Variants in CELSR1 observed in about 807,000 individuals in gnomAD.
The protein encoded by CELSR1 is cadherin EGF LAG seven-pass G-type receptor 1.
Under a neutral mutation model 249.1 loss-of-function variants are expected in CELSR1, and 110 were observed. The ratio of observed to expected loss-of-function variants is 0.44; its 90% CI spans 0.38 to 0.52. The LOEUF (loss-of-function observed/expected upper bound fraction) is 0.52, where lower values mean the gene tolerates loss of function less well. Ranked by LOEUF, CELSR1 falls within the 20% of genes least tolerant of loss-of-function variation. The pLI is 0.00. For missense variants in CELSR1, 4,109 were observed against 4,296.4 expected (o/e 0.96, Z 1.22); for synonymous variants, 2,113 against 1,900.0 (o/e 1.11, Z -2.92).
rs1238421472 is a variant in CELSR1, at chr22:46,464,027, C to T, written c.3863G>A (p.Arg1288Gln). ...CGTGGAGATGGTGGTCAGCAGCGTC[C>T]GATTCAGGTAGATCTGCTCCTGCAG... ...EDLQEQIYLN[R>Q]TLLTTISTQR... Residue 1288 changes from arginine to glutamine, a missense_variant, in exon 2 of 35, where the codon CGG (arginine) becomes CAG (glutamine). Around this residue, in one of 7 missense-constraint regions of CELSR1, gnomAD observed 141 missense variants for 209.4 expected, o/e 0.67. Coordinates refer to ENST00000674500, the MANE Select transcript of CELSR1 (RefSeq NM_001378328.1). This position sits in a 1 kb window ranked among gnomAD's most constrained non-coding sequence, Gnocchi z 8.5. 1.9e-6 allele frequency: 3 copies of T among 1,613,692 alleles called. No homozygotes were observed. The highest frequency in any genetic ancestry group is 2.2e-5 in the East Asian group (1 of 44,882).
At chr22:46,461,436 C>T (rs985022472) in intron 2 of CELSR1, among the ~76,000 whole-genome samples, 11 of 152,196 alleles carry the variant, frequency 7.2e-5, no homozygotes, top group Non-Finnish European at 1.5e-4. Context: ...ATCTGCTGGC[C>T]CAGGGGTCCC....
At chr22:46,431,228 G>A (rs778836196) in intron 5 of CELSR1, among the ~76,000 whole-genome samples, 9 of 152,238 alleles carry the variant, frequency 5.9e-5, no homozygotes, top group Non-Finnish European at 1.3e-4. Flanking sequence ...TCCCGGAAAG[G>A]GGCGGCCACA....
At chr22:46,503,816 A>T (rs1285074937) in intron 1 of CELSR1, among the ~76,000 whole-genome samples, 1 of 152,032 alleles carries the variant, frequency 6.6e-6, no homozygotes, top group Non-Finnish European at 1.5e-5. Flanking sequence ...AAACTGCTTA[A>T]GGCCAGGAGT....
intron 14 of CELSR1, among the ~76,000 whole-genome samples, chr22:46,392,724 T>C (rs2079106916): frequency 6.6e-6 from 1 of 152,052 alleles, no homozygotes; most frequent in Non-Finnish European, 1.5e-5. Context: ...GCTCAGCTAA[T>C]GTTTTTATTT....
chr22:46,391,847 T>G lies in CELSR1; in HGVS notation c.5965-31A>C, dbSNP rs755348967. ...AAAGCCAGAGGCAGGGCCTGTGACT[T>G]CAGATGCCCGGGAGAGGCCCTACCT... On this transcript the variant is annotated intron_variant, in intron 14 of 34. Coordinates refer to ENST00000674500, the MANE Select transcript of CELSR1 (RefSeq NM_001378328.1). This position sits in a 1 kb window ranked among gnomAD's most constrained non-coding sequence, Gnocchi z 4.3. The G allele has an allele frequency of 1.3e-6, 2 of 1,594,332 alleles. No individual in the cohort carries two copies. The highest frequency in any genetic ancestry group is 2.3e-5 in the South Asian group (2 of 88,158).
In CELSR1 at chr22:46,408,417, C is replaced by T. The variant is rs1348198885; in HGVS notation, c.5226+579G>A. On this transcript the variant is annotated intron_variant, in intron 9 of 34. Transcript: ENST00000674500. This position sits in a 1 kb window ranked among gnomAD's most constrained non-coding sequence, Gnocchi z 4.6. ...CACGTTCTCGGGTCACTGCAACCTCCGCCTTCCAGATTCAAGTGATTCCCC... is the reference window on the plus strand; with the variant it reads ...CACGTTCTCGGGTCACTGCAACCTCTGCCTTCCAGATTCAAGTGATTCCCC... Among the ~76,000 whole-genome samples the T allele has an allele frequency of 2.6e-5, 4 of 152,266 alleles. No homozygotes were observed. The highest frequency in any genetic ancestry group is 1.9e-4 in the East Asian group (1 of 5,186).
In CELSR1 at chr22:46,364,732, G is replaced by A. The variant is rs370828853; in HGVS notation, c.8559C>T (p.Asp2853=). The A allele has an allele frequency of 1.8e-5, 29 of 1,611,350 alleles. No homozygotes were observed. Among genetic ancestry groups the A allele is most frequent in the Admixed American group, 5.0e-5 (3 of 59,938 alleles). The change falls in exon 33 of 35, where the codon GAC becomes GAT. Residue 2853 remains aspartate (D), a synonymous_variant. Coordinates refer to ENST00000674500, the MANE Select transcript of CELSR1 (RefSeq NM_001378328.1). The part of the protein sequence containing the change: ...RGAVHSTPKG[D]AVANHVPAGW... ...CGGCCGGAACGTGGTTGGCCACAGCGTCCCCTGAGGCACGAGAGCGGTGCT... is the reference window on the plus strand; with the variant it reads ...CGGCCGGAACGTGGTTGGCCACAGCATCCCCTGAGGCACGAGAGCGGTGCT...
intron 1 of CELSR1, among the ~76,000 whole-genome samples, chr22:46,519,014 C>T (rs1005956611): frequency 6.6e-6 from 1 of 151,450 alleles, no homozygotes; most frequent in Non-Finnish European, 1.5e-5. Context: ...GCCTGGGTAA[C>T]GGAGCGAGAC....
rs1001982041 is a variant in CELSR1, at chr22:46,423,700, C to T, written c.4611+9693G>A. On this transcript the variant is annotated intron_variant, in intron 5 of 34. Coordinates refer to ENST00000674500, the MANE Select transcript of CELSR1 (RefSeq NM_001378328.1). The surrounding 1 kb of genome is among the most constrained non-coding windows in gnomAD (Gnocchi z 5.6). ...ACTATTAACAAGTATGGGCCGGGTG[C>T]GGTGGCTCACGCCTATAATCCAGCA... Among the ~76,000 whole-genome samples the T allele has an allele frequency of 6.6e-6, 1 of 151,228 alleles. No homozygotes were observed. The highest frequency in any genetic ancestry group is 1.5e-5 in the Non-Finnish European group (1 of 67,936).
Position 46,428,999 on chromosome 22 carries a change from C to T in CELSR1, c.4611+4394G>A, listed in dbSNP as rs1043862064. Reference sequence around the variant, plus strand: ...GGCCCCGTTAAACATCTTGCTGGCACGTCTGTGTCCCCGACCCTGCCAGGA... The same window carrying T: ...GGCCCCGTTAAACATCTTGCTGGCATGTCTGTGTCCCCGACCCTGCCAGGA... On this transcript the variant is annotated intron_variant, in intron 5 of 34. Coordinates refer to ENST00000674500, the MANE Select transcript of CELSR1 (RefSeq NM_001378328.1). The surrounding 1 kb of genome is among the most constrained non-coding windows in gnomAD (Gnocchi z 5.7). Among the ~76,000 whole-genome samples the T allele has an allele frequency of 3.9e-5, 6 of 152,150 alleles. No homozygotes were observed. Among genetic ancestry groups the T allele is most frequent in the African/African-American group, 9.7e-5 (4 of 41,422 alleles).
rs2079072648 is a variant in CELSR1, at chr22:46,390,064, A to T, written c.6345+328T>A. 6.6e-6 allele frequency among the ~76,000 whole-genome samples: 1 copy of T among 152,234 alleles called. No homozygotes were observed. Among genetic ancestry groups the T allele is most frequent in the South Asian group, 2.1e-4 (1 of 4,834 alleles). ...GGCTCAGAGAAAGATAGCGAGTGGG[A>T]GACGTGGGAACAAAAGCCATGAAAT... On this transcript the variant is annotated intron_variant, in intron 17 of 34. Transcript: ENST00000674500. This position sits in a 1 kb window ranked among gnomAD's most constrained non-coding sequence, Gnocchi z 6.3.
At chr22:46,365,470 T>C (rs1422859366) in intron 31 of CELSR1, 90 bp from the exon 32 acceptor site, 102 of 1,566,600 alleles carry the variant, frequency 6.5e-5, no homozygotes, top group Non-Finnish European at 8.6e-5. Flanking sequence ...GCCCCTGGCA[T>C]GCTGACGCTG....
intron 1 of CELSR1, among the ~76,000 whole-genome samples, chr22:46,520,520 G>T (rs1188871983): frequency 5.3e-5 from 8 of 152,006 alleles, no homozygotes; most frequent in Non-Finnish European, 1.5e-5. Context: ...GTGTAAAATG[G>T]CCTGATCTCA....
At chr22:46,376,348 G>C (rs997725312) in intron 24 of CELSR1, among the ~76,000 whole-genome samples, 4 of 152,164 alleles carry the variant, frequency 2.6e-5, no homozygotes, top group Non-Finnish European at 2.9e-5. Context: ...CTAACGGTGA[G>C]AGGACTATTT....
intron 1 of CELSR1, among the ~76,000 whole-genome samples, chr22:46,513,868 T>C (rs1434101577): frequency 6.6e-6 from 1 of 152,112 alleles, no homozygotes; most frequent in Non-Finnish European, 1.5e-5. Flanking sequence ...CTCAGCTCAC[T>C]GCAGCCTCTG....
Position 46,526,952 on chromosome 22 carries a change from G to A in CELSR1, c.3544+6675C>T, listed in dbSNP as rs887603095. Among the ~76,000 whole-genome samples, 2 of 152,176 alleles carry A rather than the reference G, an allele frequency of 1.3e-5. No homozygotes were observed. The highest frequency in any genetic ancestry group is 2.9e-5 in the Non-Finnish European group (2 of 68,032). The stretch of plus-strand genomic sequence containing the variant: ...CGGTAAGGACTCTGGCTCAGGGAAC[G>A]AACCTCTCTCAGTTTCACTCTCATC... On this transcript the variant is annotated intron_variant, in intron 1 of 34. Coordinates refer to ENST00000674500, the MANE Select transcript of CELSR1 (RefSeq NM_001378328.1). The surrounding 1 kb of genome is among the most constrained non-coding windows in gnomAD (Gnocchi z 4.7).
chr22:46,365,109 C>T lies in CELSR1; in HGVS notation c.8554+122G>A. 2.2e-6 allele frequency: 3 copies of T among 1,358,008 alleles called. No homozygotes were observed. The African/African-American group carries it at 4.4e-5, about 20-fold the overall frequency. The allele number at this position is 1,358,008 out of a possible 1,614,324, so 84.1% of individuals were successfully genotyped here. ...CAGAGTCCCCCCACCCCAGGCTGTC[C>T]TTTCATGTGGCTGCAGTGCTGCTGG... is the stretch of plus-strand genomic sequence containing the variant. On this transcript the variant is annotated intron_variant, in intron 32 of 34. Transcript: ENST00000674500.
rs2078701484 is a variant in CELSR1, at chr22:46,361,287, T to C, written c.*1936A>G. On this transcript the variant is annotated 3_prime_UTR_variant, in exon 35 of 35. Coordinates refer to ENST00000674500, the MANE Select transcript of CELSR1 (RefSeq NM_001378328.1). ...AACCTCCAGTGTCTAATCTCTCCCATAAAGTCTTAAGTAATAAAAATAGGT... is the reference window on the plus strand; with the variant it reads ...AACCTCCAGTGTCTAATCTCTCCCACAAAGTCTTAAGTAATAAAAATAGGT... 6.6e-6 allele frequency: 1 copy of C among 152,600 alleles called. No homozygotes were observed. The highest frequency in any genetic ancestry group is 1.5e-5 in the Non-Finnish European group (1 of 68,042). The allele number at this position is 152,600 out of a possible 1,614,324, so 9.5% of individuals were successfully genotyped here. A position where few individuals can be genotyped will look rare whatever the true frequency, so the allele number is the denominator to read the frequency against.
In CELSR1 at chr22:46,411,334, G is replaced by A. The variant is rs1361743694; in HGVS notation, c.4769+268C>T. On this transcript the variant is annotated intron_variant, in intron 6 of 34. Coordinates refer to ENST00000674500, the MANE Select transcript of CELSR1 (RefSeq NM_001378328.1). This position sits in a 1 kb window ranked among gnomAD's most constrained non-coding sequence, Gnocchi z 4.2. ...CAAAGCCAGTGATCCGTGGAGATGG[G>A]GCTGGAGACCGTCTCGGGGTCTGCA... Among the ~76,000 whole-genome samples the A allele has an allele frequency of 6.6e-6, 1 of 152,212 alleles. No homozygotes were observed. The highest frequency in any genetic ancestry group is 1.5e-5 in the Non-Finnish European group (1 of 68,034).
Sources: gnomAD v4.1 joint callset for allele counts (sites outside exome capture counted in the v4.1 genomes callset) on GRCh38, gnomAD v4.1.1 for gene constraint, gnomAD v4.1.1 regional missense constraint, Gnocchi (gnomAD v3.1) non-coding constraint, MANE v1.5 for transcripts, NCBI Gene and HGNC (gene_info 2026-07-23, HGNC 2026-07-21) for gene names.